The following CDK14 variants were observed in gnomAD, a reference collection of about 807,000 sequenced individuals.
CDK14 encodes cyclin dependent kinase 14, also known as cyclin-dependent kinase 14.
Under a neutral mutation model 60.7 loss-of-function variants are expected in CDK14, and 34 were observed. The observed-to-expected ratio is 0.56, with a 90% CI of 0.43 to 0.75. CDK14 has a LOEUF of 0.75. Among genes scored for constraint, CDK14 ranks in the 30% least tolerant of loss-of-function variants. CDK14 has a pLI of 0.00. For missense variants in CDK14, 482 were observed against 564.1 expected (o/e 0.85, Z 1.47); for synonymous variants, 197 against 203.7 (o/e 0.97, Z 0.28).
intron 10 of CDK14, among the ~76,000 whole-genome samples, chr7:91,009,153 G>C (rs1796079656): frequency 6.6e-6 from 1 of 152,010 alleles, no homozygotes; most frequent in South Asian, 2.1e-4. Flanking sequence ...TTTTTAGTGA[G>C]CATAACTATT....
At chr7:91,064,054 A>G (rs1273068807) in intron 11 of CDK14, among the ~76,000 whole-genome samples, 1 of 152,182 alleles carries the variant, frequency 6.6e-6, no homozygotes, top group Non-Finnish European at 1.5e-5. Flanking sequence ...CAAGGTTTCT[A>G]GAATTTGAAA....
intron 14 of CDK14, among the ~76,000 whole-genome samples, chr7:91,136,564 C>T (rs540060287): frequency 6.6e-6 from 1 of 152,222 alleles, no homozygotes; most frequent in South Asian, 2.1e-4. Context: ...GATATCTTAA[C>T]ACATTTTATA....
chr7:90,792,459 T>C (rs1805871622), intron 5 of CDK14, among the ~76,000 whole-genome samples: 1 of 152,184 alleles, frequency 6.6e-6, no homozygotes, highest in Non-Finnish European at 1.5e-5. Flanking sequence ...AAATCAATCA[T>C]TGTATGACAG....
chr7:90,844,386 A>C (rs1422087916), intron 5 of CDK14, among the ~76,000 whole-genome samples: 1 of 152,196 alleles, frequency 6.6e-6, no homozygotes, highest in Non-Finnish European at 1.5e-5. Flanking sequence ...GCCTAATGAT[A>C]TATAAGCTCC....
chr7:90,927,897 C>G (rs148636463), intron 8 of CDK14, among the ~76,000 whole-genome samples: 1,655 of 152,250 alleles, frequency 0.011, 14 homozygotes, highest in Non-Finnish European at 0.018. Context: ...TATTTCTTGG[C>G]GGCTTTGTTC....
intron 4 of CDK14, among the ~76,000 whole-genome samples, chr7:90,765,548 A>G (rs1054259117): frequency 3.1e-4 from 47 of 152,174 alleles, no homozygotes; most frequent in African/African-American, 1.1e-3. Flanking sequence ...GATATTCAGA[A>G]AAGTCAAATC....
At chr7:90,924,557 A>G (rs909814160) in intron 8 of CDK14, among the ~76,000 whole-genome samples, 1 of 152,230 alleles carries the variant, frequency 6.6e-6, no homozygotes, top group Non-Finnish European at 1.5e-5. Context: ...ATATGTCAAT[A>G]TGCTTGATTT....
chr7:91,170,880 C>T (rs1169179643), intron 14 of CDK14, among the ~76,000 whole-genome samples: 1 of 150,842 alleles, frequency 6.6e-6, no homozygotes, highest in Non-Finnish European at 1.5e-5. Context: ...GATTCTTCTG[C>T]CTCAGCCTCC....
chr7:90,786,956 A>T (rs1161036922), intron 4 of CDK14, among the ~76,000 whole-genome samples: 1 of 151,346 alleles, frequency 6.6e-6, no homozygotes, highest in Admixed American at 6.6e-5. Flanking sequence ...GGTTTAAAAT[A>T]TACATGAACA....
At chr7:91,027,307 GA>G (rs1291324895) in intron 10 of CDK14, among the ~76,000 whole-genome samples, 1 of 152,192 alleles carries the variant, frequency 6.6e-6, no homozygotes, top group Non-Finnish European at 1.5e-5. Flanking sequence ...CAGCAACTGA[GA>G]GTTGCAACCA....
At chr7:91,099,971 A>G (rs1584057961) in intron 12 of CDK14, among the ~76,000 whole-genome samples, 1 of 152,132 alleles carries the variant, frequency 6.6e-6, no homozygotes, top group Admixed American at 6.6e-5. Flanking sequence ...TTTTTCTTCT[A>G]TCAAGTCTTC....
At chr7:91,172,956 G>T (rs1194549525) in intron 14 of CDK14, among the ~76,000 whole-genome samples, 1 of 152,116 alleles carries the variant, frequency 6.6e-6, no homozygotes, top group East Asian at 1.9e-4. Context: ...CGAGGATGAA[G>T]GTACCCCTCA....
chr7:91,070,496 T>C (rs1798109690), intron 11 of CDK14, among the ~76,000 whole-genome samples: 1 of 152,222 alleles, frequency 6.6e-6, no homozygotes, highest in South Asian at 2.1e-4. Flanking sequence ...TTGTGGCTCA[T>C]GCCTATAATT....
At chr7:91,091,446 T>C (rs1202001882) in intron 12 of CDK14, among the ~76,000 whole-genome samples, 1 of 141,544 alleles carries the variant, frequency 7.1e-6, no homozygotes, top group Non-Finnish European at 1.5e-5. Context: ...TATACACATA[T>C]GTATATAATT....
chr7:90,673,023 A>G (rs1801128955), intron 2 of CDK14, among the ~76,000 whole-genome samples: 1 of 152,038 alleles, frequency 6.6e-6, no homozygotes, highest in Non-Finnish European at 1.5e-5. Context: ...TTCTTTTAAC[A>G]TAGAACAGTA....
chr7:90,857,095 C>G (rs1275849690), intron 5 of CDK14, among the ~76,000 whole-genome samples: 1 of 145,142 alleles, frequency 6.9e-6, no homozygotes, highest in African/African-American at 2.5e-5. Context: ...TTTTTTTCCC[C>G]TTTATTAACA....
At chr7:90,823,098 C>T (rs1321826182) in intron 5 of CDK14, among the ~76,000 whole-genome samples, 5 of 152,144 alleles carry the variant, frequency 3.3e-5, no homozygotes, top group African/African-American at 4.8e-5. Flanking sequence ...TAAAGTTGGC[C>T]CTCTGTGTCC....
intron 5 of CDK14, among the ~76,000 whole-genome samples, chr7:90,823,879 ATATTC>A (rs1263041938): frequency 1.3e-5 from 2 of 152,186 alleles, no homozygotes; most frequent in African/African-American, 2.4e-5. Context: ...CTGTATTTCT[ATATTC>A]TATAAAGATG....
intron 10 of CDK14, among the ~76,000 whole-genome samples, chr7:91,002,383 T>C (rs1384540433): frequency 6.6e-6 from 1 of 152,240 alleles, no homozygotes; most frequent in Admixed American, 6.5e-5. Context: ...AAAGATTTCT[T>C]TATGCCTTTA....
Sources: gnomAD v4.1 joint callset for allele counts (sites outside exome capture counted in the v4.1 genomes callset) on GRCh38, gnomAD v4.1.1 for gene constraint, MANE v1.5 for transcripts, NCBI Gene and HGNC (gene_info 2026-07-23, HGNC 2026-07-21) for gene names.